Variants in LOC128125822 observed in about 807,000 individuals in gnomAD.
the LOC128125822 span, chr6:63,583,100 G>A: frequency 2.6e-5 from 4 of 152,082 alleles, no homozygotes; most frequent in Non-Finnish European, 5.9e-5. Flanking sequence ...ATGAGTACCC[G>A]ACCCGTTGCC....
the LOC128125822 span, chr6:63,582,003 T>C: frequency 6.6e-6 from 1 of 152,178 alleles, no homozygotes; most frequent in South Asian, 2.1e-4. Flanking sequence ...TAAAAAGTGA[T>C]ACTCCACCTT....
chr6:63,576,019 A>G, the LOC128125822 span, among the ~76,000 whole-genome samples: 3 of 151,514 alleles, frequency 2.0e-5, no homozygotes, highest in Non-Finnish European at 4.4e-5. Flanking sequence ...AAATCAACAT[A>G]AAGTGTATGT....
the LOC128125822 span, chr6:63,582,775 G>C: frequency 2.6e-5 from 4 of 152,152 alleles, no homozygotes; most frequent in Non-Finnish European, 5.9e-5. Flanking sequence ...GGTGCCATTG[G>C]TCATTCTGCA....
chr6:63,572,612 G>A, the LOC128125822 span: 18 of 419,320 alleles, frequency 4.3e-5, no homozygotes, highest in Admixed American at 6.6e-4. Flanking sequence ...GCTCCGCCAC[G>A]ACCACCGCCG....
At chr6:63,580,767 T>C in the LOC128125822 span, 2 of 152,522 alleles carry the variant, frequency 1.3e-5, no homozygotes, top group Non-Finnish European at 1.5e-5. Flanking sequence ...GTGATTATTT[T>C]ACGTGTTTCC....
At chr6:63,573,993 T>A in the LOC128125822 span, among the ~76,000 whole-genome samples, 1 of 151,902 alleles carries the variant, frequency 6.6e-6, no homozygotes, top group Non-Finnish European at 1.5e-5. Context: ...ATTCTGAGGG[T>A]TTTTTATCTT....
the LOC128125822 span, chr6:63,580,231 T>A: frequency 7.5e-7 from 1 of 1,329,252 alleles, no homozygotes; most frequent in Non-Finnish European, 1.1e-6. Context: ...TAATTTGTTA[T>A]ACATATTAGC....
At chr6:63,582,558 A>T in the LOC128125822 span, 1 of 152,616 alleles carries the variant, frequency 6.6e-6, no homozygotes, top group African/African-American at 2.4e-5. Context: ...TCAAAGAGTT[A>T]TGAGTTGAAG....
the LOC128125822 span, among the ~76,000 whole-genome samples, chr6:63,579,585 A>AT: frequency 1.3e-5 from 2 of 152,190 alleles, no homozygotes; most frequent in African/African-American, 4.8e-5. Context: ...GTTATTTTGT[A>AT]TTTTTATTGA....
chr6:63,576,770 G>A, the LOC128125822 span: 1 of 809,662 alleles, frequency 1.2e-6, no homozygotes, highest in Non-Finnish European at 2.0e-6. Flanking sequence ...AAAGCACTGA[G>A]AATTTCAAGT....
At chr6:63,578,972 G>A in the LOC128125822 span, 187 of 1,608,034 alleles carry the variant, frequency 1.2e-4, 1 homozygote, top group South Asian at 2.0e-3. Context: ...TGAAAATTAA[G>A]TTTCGTGAAG....
chr6:63,579,267 C>T, the LOC128125822 span: 3 of 1,610,340 alleles, frequency 1.9e-6, no homozygotes, highest in Non-Finnish European at 2.5e-6. Context: ...AGCTCCAGTA[C>T]TTGTTGCCCT....
At chr6:63,580,043 T>G in the LOC128125822 span, 5 of 1,583,002 alleles carry the variant, frequency 3.2e-6, no homozygotes, top group Non-Finnish European at 4.3e-6. Context: ...ATTTTTTTTT[T>G]TTTTTCCTCC....
the LOC128125822 span, chr6:63,578,974 T>G: frequency 6.2e-7 from 1 of 1,608,090 alleles, no homozygotes; most frequent in South Asian, 1.1e-5. Flanking sequence ...AAAATTAAGT[T>G]TCGTGAAGAA....
the LOC128125822 span, chr6:63,581,861 C>T: frequency 6.6e-6 from 1 of 152,142 alleles, no homozygotes; most frequent in Non-Finnish European, 1.5e-5. Flanking sequence ...GTATTTGGTA[C>T]ATGAAGGCTT....
At chr6:63,583,207 T>G in the LOC128125822 span, 1 of 152,216 alleles carries the variant, frequency 6.6e-6, no homozygotes, top group South Asian at 2.1e-4. Flanking sequence ...ATATTTTTCT[T>G]TTACATGTAA....
the LOC128125822 span, chr6:63,572,490 G>C: frequency 5.2e-6 from 2 of 387,824 alleles, no homozygotes; most frequent in Non-Finnish European, 9.1e-6. Flanking sequence ...GCCTCGGCGC[G>C]TGTATTGGCT....
the LOC128125822 span, chr6:63,576,904 T>C: frequency 6.2e-7 from 1 of 1,613,698 alleles, no homozygotes; most frequent in Non-Finnish European, 8.5e-7. Flanking sequence ...ACCGCCCAGC[T>C]CCTGTGGAAG....
chr6:63,577,860 C>G, the LOC128125822 span, among the ~76,000 whole-genome samples: 1 of 149,286 alleles, frequency 6.7e-6, no homozygotes, highest in East Asian at 1.9e-4. Flanking sequence ...TATATATACA[C>G]TAATATATAC....
Sources: allele counts gnomAD v4.1 joint callset (sites outside exome capture counted in the v4.1 genomes callset), GRCh38; gene constraint gnomAD v4.1.1; transcripts MANE v1.5.